The following MINDY4 variants were observed in gnomAD, a reference collection of about 807,000 sequenced individuals.
MINDY4 encodes the protein MINDY lysine 48 deubiquitinase 4, also known as probable ubiquitin carboxyl-terminal hydrolase MINDY-4.
MINDY4 carries 68 observed loss-of-function variants against 87.0 expected under a neutral mutation model. The ratio of observed to expected loss-of-function variants is 0.78; its 90% confidence interval spans 0.64 to 0.96. MINDY4 has a LOEUF of 0.96. Ranked by LOEUF, MINDY4 falls within the 40% of genes least tolerant of loss-of-function variation. The probability of loss-of-function intolerance (pLI) is 0.00; values close to 1 mark genes in which losing one functional copy is unlikely to be tolerated. For synonymous variants in MINDY4, 379 were observed against 363.2 expected, an observed-to-expected ratio of 1.04 and a Z score of -0.50; for missense variants, 919 against 928.2, an observed-to-expected ratio of 0.99 and a Z score of 0.13.
intron 5 of MINDY4, among the ~76,000 whole-genome samples, chr7:30,796,250 C>CT (rs970318193): frequency 1.3e-5 from 2 of 152,028 alleles, no homozygotes; most frequent in Non-Finnish European, 2.9e-5. Context: ...ACATCTGTCT[C>CT]TTTTTTATCT....
At chr7:30,859,009 T>C (rs929336177) in intron 12 of MINDY4, 9 of 702,624 alleles carry the variant, frequency 1.3e-5, no homozygotes, top group Non-Finnish European at 2.4e-5. Context: ...TTGAGGACTC[T>C]GAGGTCACTG....
intron 5 of MINDY4, among the ~76,000 whole-genome samples, chr7:30,817,725 G>A (rs6960287): frequency 0.37 from 56,939 of 152,042 alleles, 13,820 homozygotes; most frequent in African/African-American, 0.68. Context: ...CTGAGACTAG[G>A]GGCAATGCGT....
chr7:30,779,253 A>G (rs1682944255), intron 2 of MINDY4, among the ~76,000 whole-genome samples: 2 of 152,260 alleles, frequency 1.3e-5, no homozygotes, highest in Admixed American at 6.5e-5. Context: ...GAAGCCAGAA[A>G]TGCAGTCTTT....
At chr7:30,775,589 A>G (rs1786786343) in intron 1 of MINDY4, among the ~76,000 whole-genome samples, 1 of 152,208 alleles carries the variant, frequency 6.6e-6, no homozygotes, top group Non-Finnish European at 1.5e-5. Flanking sequence ...AGCTCAATCT[A>G]TAGCTTCTCT....
chr7:30,859,258 T>G lies in MINDY4; in HGVS notation c.1679T>G (p.Phe560Cys). The G allele has an allele frequency of 6.2e-7, 1 of 1,614,026 alleles. No homozygotes were observed. The highest frequency in any genetic ancestry group is 8.5e-7 in the Non-Finnish European group (1 of 1,179,946). Residue 560 changes from phenylalanine (F) to cysteine (C), a missense_variant and splice_region_variant, in exon 13 of 18, where the codon TTT becomes TGT. Coordinates refer to ENST00000265299, the MANE Select transcript of MINDY4 (RefSeq NM_032222.3). ...CTCATTTTTCTCTCCCCCTCCCAGT[T>G]TGAAGTGGGCCCCTATGGCTGCATC... is the stretch of plus-strand genomic sequence containing the variant. Reference protein sequence around the residue: ...VTFLQQSIHQFEVGPYGCILL... With the variant: ...VTFLQQSIHQCEVGPYGCILL...
intron 4 of MINDY4, among the ~76,000 whole-genome samples, chr7:30,789,092 A>G (rs1366863931): frequency 6.6e-6 from 1 of 152,166 alleles, no homozygotes; most frequent in Non-Finnish European, 1.5e-5. Context: ...GTGTCATCTT[A>G]CTACTATGAA....
At chr7:30,843,757 G>A (rs565653585) in intron 9 of MINDY4, among the ~76,000 whole-genome samples, 70 of 146,782 alleles carry the variant, frequency 4.8e-4, no homozygotes, top group African/African-American at 1.8e-3. Context: ...TCTATCTGTC[G>A]TTGCCGGCCA....
At chr7:30,850,694 G>A in intron 10 of MINDY4, 139 bp downstream of exon 10, 1 of 762,244 alleles carries the variant, frequency 1.3e-6, no homozygotes, top group Non-Finnish European at 2.2e-6. Flanking sequence ...CTGCAAGCCA[G>A]CCTGATGTGC....
chr7:30,853,515 C>T, intron 12 of MINDY4, 56 bp downstream of exon 12: 1 of 1,421,528 alleles, frequency 7.0e-7, no homozygotes, highest in East Asian at 2.3e-5. Flanking sequence ...TCTGATTTCA[C>T]TGTGGGAACA....
At chr7:30,881,361 C>T (rs11975768) in intron 15 of MINDY4, among the ~76,000 whole-genome samples, 5,373 of 152,266 alleles carry the variant, frequency 0.035, 293 homozygotes, top group African/African-American at 0.12. Flanking sequence ...ATGTGAAATT[C>T]CCCTGCTTGG....
chr7:30,875,129 A>T (rs1790219971), intron 14 of MINDY4, among the ~76,000 whole-genome samples: 1 of 152,190 alleles, frequency 6.6e-6, no homozygotes, highest in African/African-American at 2.4e-5. Context: ...CATTGAGTCA[A>T]TGTGCAGACA....
intron 12 of MINDY4, 58 bp downstream of exon 12, chr7:30,853,517 G>T: frequency 7.1e-7 from 1 of 1,411,760 alleles, no homozygotes; most frequent in Non-Finnish European, 9.9e-7. Context: ...TGATTTCACT[G>T]TGGGAACAAT....
chr7:30,783,627 TG>T (rs749456589), intron 3 of MINDY4, among the ~76,000 whole-genome samples: 3 of 152,122 alleles, frequency 2.0e-5, no homozygotes, highest in African/African-American at 4.8e-5. Context: ...TGAAAATCTT[TG>T]GGGGGGTCAC....
chr7:30,880,468 G>A (rs987896439), intron 15 of MINDY4, among the ~76,000 whole-genome samples: 1 of 152,040 alleles, frequency 6.6e-6, no homozygotes, highest in Non-Finnish European at 1.5e-5. Context: ...TTAATCTCTC[G>A]ACTGTTACTT....
At chr7:30,879,318 G>A (rs1237828699) in intron 15 of MINDY4, among the ~76,000 whole-genome samples, 1 of 152,174 alleles carries the variant, frequency 6.6e-6, no homozygotes, top group South Asian at 2.1e-4. Context: ...AAGGTACGGA[G>A]AAGGCAACCA....
chr7:30,793,522 C>A (rs1787387389), intron 5 of MINDY4, among the ~76,000 whole-genome samples: 1 of 151,614 alleles, frequency 6.6e-6, no homozygotes, highest in Non-Finnish European at 1.5e-5. Flanking sequence ...CTCAGGCAAT[C>A]CTCCCACCTT....
rs374913777 is a variant in MINDY4, at chr7:30,882,161, C to A, written c.1972-20C>A. 3.1e-6 allele frequency: 5 copies of A among 1,588,038 alleles called. No individual in the cohort carries two copies. In the African/African-American group the frequency reaches 5.4e-5, roughly 17 times the overall value. ...TTTCCCTGGGGACGGCATTTCACATCAGGCCTCTCCCTCATCCAGGTTGGC... is the reference window on the plus strand; with the variant it reads ...TTTCCCTGGGGACGGCATTTCACATAAGGCCTCTCCCTCATCCAGGTTGGC... On this transcript the variant is annotated intron_variant, in intron 15 of 17. Transcript: ENST00000265299.
At chr7:30,782,342 TTGTGTGTGTGTGTG>T (rs56380069) in intron 3 of MINDY4, 130 bp downstream of exon 3, 32 of 578,768 alleles carry the variant, frequency 5.5e-5, no homozygotes, top group African/African-American at 4.0e-4. Context: ...GTGTGTATGT[TTGTGTGTGTGTGTG>T]TGTGTGTGTG....
chr7:30,891,208 G>A (rs1054548392), intron 17 of MINDY4, among the ~76,000 whole-genome samples: 3 of 152,132 alleles, frequency 2.0e-5, no homozygotes, highest in Admixed American at 6.5e-5. Flanking sequence ...CCTAGTGCCA[G>A]ATTTTACGTA....
Sources: allele counts gnomAD v4.1 joint callset (sites outside exome capture counted in the v4.1 genomes callset), GRCh38; gene constraint gnomAD v4.1.1; transcripts MANE v1.5; gene names NCBI Gene and HGNC (gene_info 2026-07-23, HGNC 2026-07-21).